RALGAPA2: variants seen among roughly 807,000 people sequenced by gnomAD.
RALGAPA2 encodes Ral GTPase activating protein catalytic subunit alpha 2.
A neutral mutation model predicts 230.4 loss-of-function variants in RALGAPA2; 139 were observed. The ratio of observed to expected loss-of-function variants is 0.60; its 90% CI spans 0.53 to 0.69. The LOEUF is 0.69. Among genes scored for constraint, RALGAPA2 ranks in the 30% least tolerant of loss-of-function variants. The probability of loss-of-function intolerance (pLI) is 0.00; values close to 1 mark genes in which losing one functional copy is unlikely to be tolerated. For synonymous variants in RALGAPA2, 847 were observed against 837.8 expected (o/e 1.01, Z -0.19); for missense variants, 2,163 against 2,276.0 (o/e 0.95, Z 1.01).
chr20:20,643,422 T>A, intron 5 of RALGAPA2, 84 bp downstream of exon 5: 1 of 1,272,462 alleles, frequency 7.9e-7, no homozygotes. Flanking sequence ...AGATCTTTTT[T>A]CCAAAATGCC....
intron 4 of RALGAPA2, among the ~76,000 whole-genome samples, chr20:20,651,267 C>A (rs560854178): frequency 6.6e-6 from 1 of 152,188 alleles, no homozygotes; most frequent in East Asian, 1.9e-4. Context: ...TGTGTCAACA[C>A]CAATTTCCAC....
intron 37 of RALGAPA2, among the ~76,000 whole-genome samples, chr20:20,457,834 T>C (rs1569416616): frequency 6.6e-6 from 1 of 152,014 alleles, no homozygotes; most frequent in Non-Finnish European, 1.5e-5. Flanking sequence ...CTGGGAGGTG[T>C]GGGTGCACAT....
At chr20:20,635,731 C>G in intron 8 of RALGAPA2, 114 bp from the exon 9 acceptor site, 1 of 906,132 alleles carries the variant, frequency 1.1e-6, no homozygotes, top group East Asian at 2.8e-5. Context: ...TAAATAGCAA[C>G]TAAGAATGAA....
At chr20:20,679,640 T>G (rs1414219124) in intron 2 of RALGAPA2, among the ~76,000 whole-genome samples, 1 of 152,090 alleles carries the variant, frequency 6.6e-6, no homozygotes, top group African/African-American at 2.4e-5. Context: ...TTCCCATACA[T>G]GTCGTAAGAA....
intron 28 of RALGAPA2, among the ~76,000 whole-genome samples, chr20:20,525,735 G>C (rs1051224780): frequency 1.3e-5 from 2 of 152,210 alleles, no homozygotes; most frequent in Non-Finnish European, 2.9e-5. Flanking sequence ...GGATATGACT[G>C]TGGAGAAGAT....
chr20:20,585,944 T>G (rs929653485), intron 18 of RALGAPA2, among the ~76,000 whole-genome samples: 1 of 152,116 alleles, frequency 6.6e-6, no homozygotes, highest in Non-Finnish European at 1.5e-5. Flanking sequence ...GAATAATTAT[T>G]AAGCTAATAA....
At chr20:20,430,803 A>G (rs1330968238) in intron 37 of RALGAPA2, among the ~76,000 whole-genome samples, 1 of 152,230 alleles carries the variant, frequency 6.6e-6, no homozygotes, top group Non-Finnish European at 1.5e-5. Flanking sequence ...GTCTCAGTAT[A>G]TACTCTACGT....
rs879138158 is a variant in RALGAPA2, at chr20:20,503,335, C to A, written c.5208+16G>T. Reference sequence around the variant, plus strand: ...AACCAGGGCAGCTAAGAATGGTGCCCGAGGAGACCCCTTACCTTTTTGGTG... The same window carrying A: ...AACCAGGGCAGCTAAGAATGGTGCCAGAGGAGACCCCTTACCTTTTTGGTG... On this transcript the variant is annotated intron_variant, in intron 35 of 39. Transcript: ENST00000202677. 6.5e-7 allele frequency: 1 copy of A among 1,536,412 alleles called. No homozygotes were observed. Among genetic ancestry groups the A allele is most frequent in the South Asian group, 1.2e-5 (1 of 82,526 alleles).
In RALGAPA2 at chr20:20,663,008, G is replaced by A. The variant is rs367654741; in HGVS notation, c.271-9421C>T. 5.3e-5 allele frequency among the ~76,000 whole-genome samples: 8 copies of A among 152,198 alleles called. No individual in the cohort carries two copies. In the South Asian group the frequency reaches 8.3e-4, roughly 16 times the overall value. Reference sequence around the variant, plus strand: ...AGACAGGTGATAAGTGATAGAGAAGGAGGCAGACTAGACGAAGAACATTCT... The same window carrying A: ...AGACAGGTGATAAGTGATAGAGAAGAAGGCAGACTAGACGAAGAACATTCT... On this transcript the variant is annotated intron_variant, in intron 3 of 39. Coordinates refer to ENST00000202677, the MANE Select transcript of RALGAPA2 (RefSeq NM_020343.4).
intron 37 of RALGAPA2, chr20:20,472,318 A>G (rs1355024346): frequency 6.6e-6 from 1 of 152,222 alleles, no homozygotes; most frequent in Non-Finnish European, 1.5e-5. Flanking sequence ...CTTTCCCTCT[A>G]CCCTCAACCA....
intron 37 of RALGAPA2, among the ~76,000 whole-genome samples, chr20:20,444,055 G>A (rs2060804734): frequency 6.6e-6 from 1 of 152,190 alleles, no homozygotes; most frequent in Non-Finnish European, 1.5e-5. Flanking sequence ...AGAATCTGTG[G>A]GGTGGGTGCT....
intron 31 of RALGAPA2, among the ~76,000 whole-genome samples, chr20:20,517,748 A>C (rs559367032): frequency 6.6e-6 from 1 of 152,254 alleles, no homozygotes; most frequent in South Asian, 2.1e-4. Context: ...AAAAGCAGCA[A>C]AATCAAATTA....
chr20:20,668,532 C>CA (rs1268268965), intron 3 of RALGAPA2, among the ~76,000 whole-genome samples: 1 of 152,106 alleles, frequency 6.6e-6, no homozygotes, highest in East Asian at 1.9e-4. Context: ...AAAATATGTA[C>CA]AAAAATGCAC....
chr20:20,396,390 C>T (rs895391602), intron 39 of RALGAPA2, among the ~76,000 whole-genome samples: 3 of 152,270 alleles, frequency 2.0e-5, no homozygotes, highest in African/African-American at 7.2e-5. Flanking sequence ...GCGGCCCCAG[C>T]GCCCGCTGGC....
At chr20:20,632,201 A>AT (rs35792794) in intron 9 of RALGAPA2, among the ~76,000 whole-genome samples, 2 of 148,644 alleles carry the variant, frequency 1.3e-5, no homozygotes, top group African/African-American at 2.5e-5. Context: ...ATTTTTTTGT[A>AT]TTTTTTTTTC....
At chr20:20,444,268 G>A (rs1489324744) in intron 37 of RALGAPA2, among the ~76,000 whole-genome samples, 1 of 152,108 alleles carries the variant, frequency 6.6e-6, no homozygotes, top group Non-Finnish European at 1.5e-5. Context: ...GCAAATTCAC[G>A]GCTTGCATTT....
At chr20:20,493,805 C>T (rs1295222264) in intron 36 of RALGAPA2, among the ~76,000 whole-genome samples, 1 of 152,120 alleles carries the variant, frequency 6.6e-6, no homozygotes, top group African/African-American at 2.4e-5. Flanking sequence ...CATTTTCATA[C>T]ACAAAACTGA....
chr20:20,407,786 T>C (rs2059976261), intron 38 of RALGAPA2, among the ~76,000 whole-genome samples: 1 of 152,218 alleles, frequency 6.6e-6, no homozygotes, highest in Admixed American at 6.5e-5. Context: ...AATAACCCTT[T>C]CCACGAGGGC....
chr20:20,647,655 C>G (rs991056784), intron 4 of RALGAPA2, among the ~76,000 whole-genome samples: 1 of 151,546 alleles, frequency 6.6e-6, no homozygotes, highest in Non-Finnish European at 1.5e-5. Context: ...TCCAAAGACA[C>G]TATTAAGGGA....
Sources: allele counts gnomAD v4.1 joint callset (sites outside exome capture counted in the v4.1 genomes callset), GRCh38; gene constraint gnomAD v4.1.1; transcripts MANE v1.5; gene names NCBI Gene and HGNC (gene_info 2026-07-23, HGNC 2026-07-21).